Variants in HP1BP3 observed in about 807,000 individuals in gnomAD.
The protein encoded by HP1BP3 is heterochromatin protein 1 binding protein 3, also known as heterochromatin protein 1-binding protein 3.
HP1BP3 carries 12 observed loss-of-function variants against 62.5 expected under a neutral mutation model. The observed-to-expected ratio is 0.19, with a 90% confidence interval of 0.12 to 0.31. HP1BP3 has a LOEUF of 0.31. Among genes scored for constraint, HP1BP3 ranks in the 10% least tolerant of loss-of-function variants. The pLI, the probability that HP1BP3 is intolerant of heterozygous loss-of-function variation, is 1.00. For missense variants in HP1BP3, 502 were observed against 651.8 expected (o/e 0.77, Z 2.50); for synonymous variants, 260 against 237.8 (o/e 1.09, Z -0.86).
chr1:20,779,796 C>T lies in HP1BP3; in HGVS notation c.196+16G>A. 1 of 1,567,052 alleles carries T rather than the reference C, an allele frequency of 6.4e-7. No homozygotes were observed. Among genetic ancestry groups the T allele is most frequent in the Admixed American group, 1.7e-5 (1 of 58,738 alleles). ...TAACTTTTGATGTTTTAAGCTGTGT[C>T]ACCATTTTACTTTACCTGGCTTTTC... On this transcript the variant is annotated intron_variant, in intron 3 of 12. Transcript: ENST00000438032.
chr1:20,760,009 C>T (rs1232530712), intron 8 of HP1BP3, among the ~76,000 whole-genome samples: 1 of 151,722 alleles, frequency 6.6e-6, no homozygotes, highest in African/African-American at 2.4e-5. Context: ...CTGCCTCAGC[C>T]TCCTGAGTAG....
intron 6 of HP1BP3, among the ~76,000 whole-genome samples, chr1:20,769,449 T>C (rs921888102): frequency 6.6e-6 from 1 of 152,028 alleles, no homozygotes; most frequent in African/African-American, 2.4e-5. Context: ...TCCCAGGTAC[T>C]CGGGAGGCTG....
intron 5 of HP1BP3, 26 bp from the exon 6 acceptor site, chr1:20,771,099 G>GT (rs200157360): frequency 2.1e-3 from 3,232 of 1,530,506 alleles, no homozygotes; most frequent in Non-Finnish European, 2.4e-3. Context: ...TAAACTAGTT[G>GT]TTTTTTTTTA....
chr1:20,784,422 A>C (rs1260190116), intron 1 of HP1BP3, among the ~76,000 whole-genome samples: 1 of 151,916 alleles, frequency 6.6e-6, no homozygotes, highest in African/African-American at 2.4e-5. Context: ...ATAGATGCTC[A>C]ATTAATATTT....
intron 10 of HP1BP3, among the ~76,000 whole-genome samples, chr1:20,748,940 T>C (rs549979328): frequency 2.0e-5 from 3 of 152,256 alleles, no homozygotes; most frequent in East Asian, 3.9e-4. Context: ...AGGCAGGGTG[T>C]CTCATCTCAA....
chr1:20,755,954 G>C (rs2056080535), intron 9 of HP1BP3, among the ~76,000 whole-genome samples: 1 of 152,122 alleles, frequency 6.6e-6, no homozygotes, highest in South Asian at 2.1e-4. Context: ...CAAATCTGCA[G>C]AGAGACAGAA....
chr1:20,748,557 T>C (rs1231023203), intron 10 of HP1BP3, among the ~76,000 whole-genome samples: 1 of 152,144 alleles, frequency 6.6e-6, no homozygotes, highest in Non-Finnish European at 1.5e-5. Flanking sequence ...TCATCTTGGC[T>C]AATACGGTGA....
At chr1:20,758,061 A>G (rs1182134349) in intron 8 of HP1BP3, among the ~76,000 whole-genome samples, 1 of 152,102 alleles carries the variant, frequency 6.6e-6, no homozygotes, top group Non-Finnish European at 1.5e-5. Context: ...CAGGAGAATC[A>G]TTTGAACCCG....
At chr1:20,756,811 G>A (rs933585455) in intron 9 of HP1BP3, among the ~76,000 whole-genome samples, 35 of 152,132 alleles carry the variant, frequency 2.3e-4, no homozygotes, top group African/African-American at 6.0e-4. Context: ...CACCTCCCGC[G>A]TTCAAGTGAT....
intron 1 of HP1BP3, chr1:20,786,383 CAGA>C (rs2057831317): frequency 6.6e-6 from 1 of 152,422 alleles, no homozygotes; most frequent in African/African-American, 2.4e-5. Flanking sequence ...GCCCCGCCCG[CAGA>C]AGGCCGCGGG....
intron 3 of HP1BP3, among the ~76,000 whole-genome samples, chr1:20,779,354 C>A (rs891368974): frequency 1.3e-5 from 2 of 152,164 alleles, no homozygotes; most frequent in Middle Eastern, 3.2e-3. Flanking sequence ...TATGCTCCCA[C>A]CACTGACTGG....
Position 20,765,382 on chromosome 1 carries a change from G to T in HP1BP3, c.885C>A (p.Asp295Glu), listed in dbSNP as rs776550417. The T allele has an allele frequency of 3.7e-6, 6 of 1,602,674 alleles. No individual in the cohort carries two copies. The South Asian group carries it at 4.5e-5, about 12-fold the overall frequency. ...GCCAGGCCAATGGCTCATACCTGAT[G>T]TCCACTCTAAGCTTAGGATAATACT... ...VSQYYPKLRVDIRPQLLKNAL... is the reference protein window; with the variant it reads ...VSQYYPKLRVEIRPQLLKNAL... The change falls in exon 8 of 13, where the codon GAC (aspartate) becomes GAA (glutamate). Residue 295 changes from aspartate to glutamate, a missense_variant. Around this residue, in one of 5 missense-constraint regions of HP1BP3, gnomAD observed 111 missense variants for 242.0 expected, o/e 0.46. Coordinates refer to ENST00000438032, the MANE Select transcript of HP1BP3 (RefSeq NM_001372052.1).
Position 20,745,023 on chromosome 1 carries a change from G to C in HP1BP3, c.1436C>G (p.Pro479Arg). The change falls in exon 13 of 13, where the codon CCT becomes CGT. Residue 479 changes from proline (P) to arginine (R), a missense_variant. By Grantham distance (103) the Pro-to-Arg change is moderately radical. Around this residue, in one of 5 missense-constraint regions of HP1BP3, gnomAD observed 194 missense variants for 207.0 expected, o/e 0.94. Coordinates refer to ENST00000438032, the MANE Select transcript of HP1BP3 (RefSeq NM_001372052.1). Reference sequence around the variant, plus strand: ...CTGGGCAGCTGAGACTTTAGGTGCAGGTTTGGACCCTCTCTGCTTCACAGA... The same window carrying C: ...CTGGGCAGCTGAGACTTTAGGTGCACGTTTGGACCCTCTCTGCTTCACAGA... ...AASVKQRGSK[P>R]APKVSAAQRG... 1.2e-6 allele frequency: 2 copies of C among 1,614,166 alleles called. No individual in the cohort carries two copies. Among genetic ancestry groups the C allele is most frequent in the Non-Finnish European group, 8.5e-7 (1 of 1,180,022 alleles).
intron 7 of HP1BP3, among the ~76,000 whole-genome samples, chr1:20,766,150 G>A (rs1454295759): frequency 6.6e-6 from 1 of 152,026 alleles, no homozygotes; most frequent in Non-Finnish European, 1.5e-5. Flanking sequence ...AATTAGCCAG[G>A]CATGGTGGCA....
intron 10 of HP1BP3, 46 bp from the exon 11 acceptor site, chr1:20,747,701 T>G (rs925283473): frequency 8.3e-7 from 1 of 1,203,706 alleles, no homozygotes; most frequent in African/African-American, 1.5e-5. Context: ...TTATTCAGAT[T>G]AGATAATTCC....
At chr1:20,766,552 TTA>T (rs1363554911) in intron 7 of HP1BP3, among the ~76,000 whole-genome samples, 2 of 152,098 alleles carry the variant, frequency 1.3e-5, no homozygotes, top group African/African-American at 4.8e-5. Context: ...ACAAATGAAA[TTA>T]TATGTGTTGG....
intron 9 of HP1BP3, among the ~76,000 whole-genome samples, chr1:20,752,813 T>C (rs1395939255): frequency 6.6e-6 from 1 of 152,252 alleles, no homozygotes; most frequent in East Asian, 1.9e-4. Flanking sequence ...GTCTTTAGAA[T>C]ATTTTATGGG....
At chr1:20,767,412 C>T (rs1293715963) in intron 7 of HP1BP3, among the ~76,000 whole-genome samples, 172 bp downstream of exon 7, 1 of 152,212 alleles carries the variant, frequency 6.6e-6, no homozygotes, top group Non-Finnish European at 1.5e-5. Flanking sequence ...TGGATCTGCA[C>T]CTTGGCTATT....
At position 20,740,274 on chromosome 1, in the gene HP1BP3, TGC is replaced by T. The variant is rs2055046935; in HGVS notation, c.*4521_*4522del. Among the ~76,000 whole-genome samples, 2 of 152,244 alleles carry T rather than the reference TGC, an allele frequency of 1.3e-5. No individual in the cohort carries two copies. Among genetic ancestry groups the T allele is most frequent in the African/African-American group, 2.4e-5 (1 of 41,470 alleles). ...CTCTAGGCACCACAGAGTTCTCTTT[TGC>T]TAAGCAAAGATTTAATAGTGAACAG... is the stretch of plus-strand genomic sequence containing the variant. On this transcript the variant is annotated 3_prime_UTR_variant, in exon 13 of 13. Coordinates refer to ENST00000438032, the MANE Select transcript of HP1BP3 (RefSeq NM_001372052.1).
Sources: allele counts gnomAD v4.1 joint callset (sites outside exome capture counted in the v4.1 genomes callset), GRCh38; gene constraint gnomAD v4.1.1; regional missense constraint gnomAD v4.1.1; transcripts MANE v1.5; gene names NCBI Gene and HGNC (gene_info 2026-07-23, HGNC 2026-07-21).